The following MEIOB variants were observed in gnomAD, a reference collection of about 807,000 sequenced individuals.
The protein encoded by MEIOB is meiosis-specific with OB domain-containing protein.
A neutral mutation model predicts 53.1 loss-of-function variants in MEIOB; 50 were observed. That is an observed-to-expected ratio of 0.94 (90% CI 0.75 to 1.19). The LOEUF is 1.19. Among genes scored for constraint, MEIOB ranks in the 50% most tolerant of loss-of-function variants. The pLI is 0.00. For synonymous variants in MEIOB, 192 were observed against 182.5 expected (o/e 1.05, Z -0.42); for missense variants, 551 against 550.8 (o/e 1.00, Z 0.00).
At chr16:1,867,997 T>C (rs1742444) in intron 2 of MEIOB, 110 bp downstream of exon 2, 493,830 of 604,736 alleles carry the variant, frequency 0.82, 202,224 homozygotes, top group Middle Eastern at 0.88. Context: ...AATGAGTATC[T>C]ATATACTTGC....
intron 12 of MEIOB, 152 bp from the exon 13 acceptor site, chr16:1,838,022 G>T (rs763631463): frequency 3.6e-6 from 5 of 1,384,452 alleles, no homozygotes; most frequent in Non-Finnish European, 4.8e-6. Context: ...GTAGAGACAG[G>T]GTCTCACTCT....
rs934358960 is a variant in MEIOB at position 1,854,083 on chromosome 16, C to G, written c.629+17G>C. 1 of 1,450,470 alleles carries G rather than the reference C, an allele frequency of 6.9e-7. No individual in the cohort carries two copies. The highest frequency in any genetic ancestry group is 9.5e-7 in the Non-Finnish European group (1 of 1,056,270). 89.8% of individuals were successfully genotyped at this position (1,450,470 alleles called of 1,614,324 possible). ...ACTACAGGGATTTCACAGTTTGGAA[C>G]AGACATCGGTGTTTACCATGTCATC... On this transcript the variant is annotated intron_variant, in intron 7 of 13. Transcript: ENST00000325962.
chr16:1,857,692 C>A (rs1301078673), intron 6 of MEIOB, 43 bp downstream of exon 6: 1 of 1,483,722 alleles, frequency 6.7e-7, no homozygotes, highest in Non-Finnish European at 9.2e-7. Context: ...GACTGCACCT[C>A]CCCTGCCAGA....
intron 13 of MEIOB, among the ~76,000 whole-genome samples, chr16:1,837,343 G>A (rs1052104132): frequency 6.6e-6 from 1 of 151,686 alleles, no homozygotes; most frequent in Non-Finnish European, 1.5e-5. Context: ...CACAGGGTGG[G>A]TGGGGGTGGG....
chr16:1,854,030 T>C (rs1899237639), intron 7 of MEIOB, 70 bp downstream of exon 7: 4 of 855,952 alleles, frequency 4.7e-6, no homozygotes, highest in Non-Finnish European at 7.5e-6. Context: ...CATCATATTT[T>C]TGATAAAATG....
intron 11 of MEIOB, 185 bp from the exon 12 acceptor site, chr16:1,839,623 C>G: frequency 1.9e-6 from 1 of 539,918 alleles, no homozygotes; most frequent in Non-Finnish European, 3.2e-6. Context: ...CGCAGCCATT[C>G]TCAGGAGTCA....
chr16:1,845,380 C>T (rs941241753), intron 9 of MEIOB, among the ~76,000 whole-genome samples: 1 of 151,988 alleles, frequency 6.6e-6, no homozygotes, highest in Non-Finnish European at 1.5e-5. Flanking sequence ...ATTAACCAGG[C>T]GTGGTGGTGG....
At chr16:1,848,446 C>T (rs1899075855) in intron 9 of MEIOB, among the ~76,000 whole-genome samples, 1 of 151,994 alleles carries the variant, frequency 6.6e-6, no homozygotes, top group Non-Finnish European at 1.5e-5. Context: ...TAAAACTTCC[C>T]TCTTTTCCTC....
At position 1,839,446 on chromosome 16, in the gene MEIOB, G is replaced by C; in HGVS notation, c.1035-8C>G. Reference sequence around the variant, plus strand: ...ATATAACCACAGCTGGAACTGAAAAGAAACAAAGACAATGATAAAATGTGA... The same window carrying C: ...ATATAACCACAGCTGGAACTGAAAACAAACAAAGACAATGATAAAATGTGA... On this transcript the variant is annotated splice_region_variant and splice_polypyrimidine_tract_variant and intron_variant, in intron 11 of 13. Coordinates refer to ENST00000325962, the MANE Select transcript of MEIOB (RefSeq NM_001163560.3). 1 of 1,599,922 alleles carries C rather than the reference G, an allele frequency of 6.3e-7. No homozygotes were observed. Among genetic ancestry groups the C allele is most frequent in the Non-Finnish European group, 8.5e-7 (1 of 1,174,212 alleles).
intron 10 of MEIOB, among the ~76,000 whole-genome samples, chr16:1,844,077 C>G (rs1898975669): frequency 6.6e-6 from 1 of 151,444 alleles, no homozygotes; most frequent in Admixed American, 6.6e-5. Flanking sequence ...AAGATGTTAA[C>G]CAAATAACTA....
intron 6 of MEIOB, 168 bp downstream of exon 6, chr16:1,857,567 T>C (rs1204169111): frequency 1.8e-6 from 1 of 550,152 alleles, no homozygotes; most frequent in East Asian, 3.1e-5. Context: ...GATAAAAAGC[T>C]AGTTTCCCTT....
intron 10 of MEIOB, among the ~76,000 whole-genome samples, chr16:1,843,968 T>C (rs1898972835): frequency 6.6e-6 from 1 of 152,120 alleles, no homozygotes; most frequent in Admixed American, 6.5e-5. Flanking sequence ...TGAAATTTAA[T>C]TTTCTTCAAT....
intron 9 of MEIOB, among the ~76,000 whole-genome samples, chr16:1,851,162 C>T (rs1899160034): frequency 6.6e-6 from 1 of 152,160 alleles, no homozygotes; most frequent in Non-Finnish European, 1.5e-5. Context: ...AGCCAGTGCA[C>T]TCTAACAGCC....
intron 6 of MEIOB, among the ~76,000 whole-genome samples, chr16:1,855,120 G>C (rs1483247713): frequency 6.6e-6 from 1 of 152,192 alleles, no homozygotes; most frequent in Non-Finnish European, 1.5e-5. Flanking sequence ...GTGAGAGGAA[G>C]AAACAACAGG....
chr16:1,841,498 A>T (rs918702215), intron 11 of MEIOB, among the ~76,000 whole-genome samples: 17 of 152,118 alleles, frequency 1.1e-4, no homozygotes, highest in African/African-American at 4.1e-4. Flanking sequence ...ATTTTTTTTT[A>T]ATGCTGTCAC....
chr16:1,845,030 C>G (rs4644862), intron 9 of MEIOB, 67 bp from the exon 10 acceptor site: 113,251 of 709,088 alleles, frequency 0.16, 10,162 homozygotes, highest in South Asian at 0.25. Context: ...TTTAAATCAT[C>G]CAAAATCATT....
At chr16:1,865,532 TG>T (rs1899570109) in intron 3 of MEIOB, among the ~76,000 whole-genome samples, 1 of 151,214 alleles carries the variant, frequency 6.6e-6, no homozygotes, top group Non-Finnish European at 1.5e-5. Flanking sequence ...CACACGTGTG[TG>T]TATACACATA....
At chr16:1,855,500 T>G (rs1899277447) in intron 6 of MEIOB, among the ~76,000 whole-genome samples, 1 of 151,808 alleles carries the variant, frequency 6.6e-6, no homozygotes. Flanking sequence ...AAAGGGGAGA[T>G]GAAAGGCATG....
chr16:1,861,918 G>A, intron 4 of MEIOB, 67 bp downstream of exon 4: 1 of 1,423,954 alleles, frequency 7.0e-7, no homozygotes, highest in Non-Finnish European at 9.5e-7. Flanking sequence ...CTTCAGTATA[G>A]TTACCATAAA....
Sources: allele counts gnomAD v4.1 joint callset (sites outside exome capture counted in the v4.1 genomes callset), GRCh38; gene constraint gnomAD v4.1.1; transcripts MANE v1.5; gene names NCBI Gene and HGNC (gene_info 2026-07-23, HGNC 2026-07-21).